Variants in DCDC2 observed in about 807,000 individuals in gnomAD.
DCDC2 encodes doublecortin domain containing 2.
A neutral mutation model predicts 50.2 loss-of-function variants in DCDC2; 40 were observed. The observed-to-expected ratio is 0.80, with a 90% confidence interval of 0.62 to 1.04. The LOEUF is 1.04. Ranked by LOEUF, DCDC2 falls within the 50% of genes least tolerant of loss-of-function variation. The pLI is 0.00. For missense variants in DCDC2, 570 were observed against 581.9 expected, an observed-to-expected ratio of 0.98 and a Z score of 0.21; for synonymous variants, 234 against 210.6, an observed-to-expected ratio of 1.11 and a Z score of -0.96.
At chr6:24,272,879 A>G (rs915443296) in intron 7 of DCDC2, among the ~76,000 whole-genome samples, 5 of 152,172 alleles carry the variant, frequency 3.3e-5, no homozygotes, top group African/African-American at 1.2e-4. Context: ...AAAGAAAACA[A>G]ATCATTATAC....
At chr6:24,236,390 T>G (rs1450351988) in intron 7 of DCDC2, among the ~76,000 whole-genome samples, 1 of 152,112 alleles carries the variant, frequency 6.6e-6, no homozygotes, top group South Asian at 2.1e-4. Context: ...TATACAAGAA[T>G]TAACCCAAAA....
At chr6:24,379,990 C>T in the DCDC2 span, among the ~76,000 whole-genome samples, 2 of 134,306 alleles carry the variant, frequency 1.5e-5, no homozygotes, top group African/African-American at 5.7e-5. Context: ...AGTTGAACAA[C>T]GAGAACACAT....
In DCDC2 at chr6:24,175,152, C is replaced by G. The variant is rs16888787; in HGVS notation, c.1327-318G>C. ...TGAGCTTTTCTTCAATTTAGTTATACTTTTCAGTTTAGCATTTTCAGAGAC... is the reference window on the plus strand; with the variant it reads ...TGAGCTTTTCTTCAATTTAGTTATAGTTTTCAGTTTAGCATTTTCAGAGAC... On this transcript the variant is annotated intron_variant, in intron 9 of 9. Transcript: ENST00000378454. 0.014 allele frequency among the ~76,000 whole-genome samples: 2,070 copies of G among 152,116 alleles called. 28 individuals carry two copies. Among genetic ancestry groups the G allele is most frequent in the African/African-American group, 0.033 (1,374 of 41,486 alleles).
At chr6:24,359,133 TTA>T (rs1410752265), upstream of DCDC2, among the ~76,000 whole-genome samples, 30 of 69,404 alleles carry the variant, frequency 4.3e-4, no homozygotes, top group East Asian at 2.0e-3. Context: ...ATTATATATT[TTA>T]TATATATTAT....
chr6:24,362,342 TGTTGATACAATTATTTTTTATTTA>T, upstream of DCDC2, among the ~76,000 whole-genome samples: 2 of 145,838 alleles, frequency 1.4e-5, no homozygotes, highest in African/African-American at 2.5e-5. Flanking sequence ...TTTAATTGTA[TGTTGATACAATTATTTTTTATTTA>T]ATTGTATGTT....
At chr6:24,211,583 T>C (rs1761871743) in intron 7 of DCDC2, among the ~76,000 whole-genome samples, 1 of 152,132 alleles carries the variant, frequency 6.6e-6, no homozygotes, top group East Asian at 1.9e-4. Context: ...ACAAGGGTCC[T>C]TGTGAGTGAA....
intron 7 of DCDC2, among the ~76,000 whole-genome samples, chr6:24,207,335 T>C (rs1005109921): frequency 1.3e-5 from 2 of 151,440 alleles, no homozygotes; most frequent in Non-Finnish European, 2.9e-5. Flanking sequence ...AACTGGGATC[T>C]TATTGTACAT....
chr6:24,359,326 TTA>T (rs1225859852), upstream of DCDC2, among the ~76,000 whole-genome samples: 29 of 61,324 alleles, frequency 4.7e-4, 2 homozygotes, highest in Admixed American at 9.0e-4. Flanking sequence ...TTTTATATTT[TTA>T]TATATATTAT....
intron 2 of DCDC2, among the ~76,000 whole-genome samples, chr6:24,334,658 C>T (rs970709865): frequency 7.2e-5 from 11 of 152,200 alleles, no homozygotes; most frequent in African/African-American, 2.7e-4. Flanking sequence ...TGTGGAGTAG[C>T]TTTGGCATGA....
At position 24,288,916 on chromosome 6, in the gene DCDC2, C is replaced by G. The variant is rs1554116524; in HGVS notation, c.705-10G>C. On this transcript the variant is annotated splice_polypyrimidine_tract_variant and intron_variant, in intron 5 of 9. Coordinates refer to ENST00000378454, the MANE Select transcript of DCDC2 (RefSeq NM_016356.5). ...TGAAGAAGCTTTCTGACTGTGGAAACAAATTGCAATTTAGAAATCTGAATG... is the reference window on the plus strand; with the variant it reads ...TGAAGAAGCTTTCTGACTGTGGAAAGAAATTGCAATTTAGAAATCTGAATG... 1.9e-6 allele frequency: 3 copies of G among 1,588,392 alleles called. No individual in the cohort carries two copies. The highest frequency in any genetic ancestry group is 2.6e-6 in the Non-Finnish European group (3 of 1,170,234).
At chr6:24,309,035 A>C (rs911810977) in intron 2 of DCDC2, among the ~76,000 whole-genome samples, 3 of 152,188 alleles carry the variant, frequency 2.0e-5, no homozygotes, top group African/African-American at 7.2e-5. Context: ...ATATGTGAGT[A>C]ATTTTTAAAA....
intron 2 of DCDC2, among the ~76,000 whole-genome samples, chr6:24,327,471 T>TTG (rs1209792452): frequency 7.5e-6 from 1 of 132,588 alleles, no homozygotes; most frequent in African/African-American, 2.8e-5. Context: ...TTTATTTATT[T>TTG]ATTTATTTAT....
intron 2 of DCDC2, among the ~76,000 whole-genome samples, chr6:24,352,933 C>A (rs1373017269): frequency 6.6e-6 from 1 of 152,130 alleles, no homozygotes; most frequent in Non-Finnish European, 1.5e-5. Flanking sequence ...TCTATTTTTT[C>A]ATTCACAAAC....
At chr6:24,331,109 A>G (rs1471844102) in intron 2 of DCDC2, among the ~76,000 whole-genome samples, 2 of 152,134 alleles carry the variant, frequency 1.3e-5, no homozygotes, top group Middle Eastern at 3.2e-3. Context: ...AGCTAATGAA[A>G]TATCGCCCCT....
At chr6:24,362,879 C>T (rs1223266346), upstream of DCDC2, among the ~76,000 whole-genome samples, 2 of 152,216 alleles carry the variant, frequency 1.3e-5, no homozygotes, top group Non-Finnish European at 2.9e-5. Context: ...TTTGCAATCT[C>T]TCTCCCTGCT....
intron 2 of DCDC2, among the ~76,000 whole-genome samples, chr6:24,339,543 C>T (rs1760117524): frequency 6.6e-6 from 1 of 152,124 alleles, no homozygotes; most frequent in Non-Finnish European, 1.5e-5. Context: ...CCCTTGGGGT[C>T]CAAACCCTCC....
Position 24,178,491 on chromosome 6 carries a change from C to A in DCDC2, c.1165G>T (p.Glu389Ter). ...REATDAPEQV[E>*]EILDHSEQQA... ...TGCTCACTGTGATCCAGAATCTCCT[C>A]GACTTGCTCAGGGGCATCTGTAGCC... Residue 389 changes from glutamate to a stop codon, truncating the protein, a stop_gained, in exon 9 of 10, where the codon GAG becomes TAG. Transcript: ENST00000378454. LOFTEE classifies it high-confidence loss of function. 1 of 1,614,166 alleles carries A rather than the reference C, an allele frequency of 6.2e-7. No individual in the cohort carries two copies. Among genetic ancestry groups the A allele is most frequent in the Non-Finnish European group, 8.5e-7 (1 of 1,180,032 alleles).
chr6:24,324,176 ATG>A (rs1209132353), intron 2 of DCDC2, among the ~76,000 whole-genome samples: 147 of 43,064 alleles, frequency 3.4e-3, no homozygotes, highest in Middle Eastern at 0.029. Context: ...AAAGCACCTG[ATG>A]TAGATACAGA....
chr6:24,301,611 TG>T, intron 4 of DCDC2, 103 bp downstream of exon 4: 1 of 1,402,692 alleles, frequency 7.1e-7, no homozygotes, highest in Non-Finnish European at 9.8e-7. Context: ...GGGGCCTAAC[TG>T]GGGAGCCAAA....
Sources: gnomAD v4.1 joint callset for allele counts (sites outside exome capture counted in the v4.1 genomes callset) on GRCh38, gnomAD v4.1.1 for gene constraint, MANE v1.5 for transcripts, NCBI Gene and HGNC (gene_info 2026-07-23, HGNC 2026-07-21) for gene names.